Variants in SPAG16 observed in about 807,000 individuals in gnomAD.
SPAG16 encodes the protein sperm associated antigen 16.
In SPAG16, 86 loss-of-function variants were observed where a neutral mutation model predicts 80.4. The observed-to-expected ratio is 1.07, with a 90% CI of 0.90 to 1.28. The LOEUF is 1.28. SPAG16 is among the 50% of genes most tolerant of loss of function. The probability of loss-of-function intolerance (pLI) is 0.00; values close to 1 mark genes in which losing one functional copy is unlikely to be tolerated. For missense variants in SPAG16, 870 were observed against 765.3 expected (o/e 1.14, Z -1.61); for synonymous variants, 294 against 265.9 (o/e 1.11, Z -1.03).
intron 15 of SPAG16, among the ~76,000 whole-genome samples, chr2:214,296,683 A>G (rs780292267): frequency 6.6e-6 from 1 of 152,090 alleles, no homozygotes; most frequent in Admixed American, 6.5e-5. Flanking sequence ...CACTTGTATG[A>G]CTTCTTTTGA....
rs369352716 is a variant in SPAG16 at position 213,468,465 on chromosome 2, A to G, written c.943-21498A>G. On this transcript the variant is annotated intron_variant, in intron 9 of 15. Transcript: ENST00000331683. ...TTTATATATAGATATATATATCTCT[A>G]TGTATTTATATATAGATATATATAT... is the stretch of plus-strand genomic sequence containing the variant. Among the ~76,000 whole-genome samples, 59 of 121,616 alleles carry G rather than the reference A, an allele frequency of 4.9e-4. No homozygotes were observed. In the East Asian group the frequency reaches 0.011, roughly 23 times the overall value. 79.8% of individuals were successfully genotyped at this position (121,616 alleles called of 152,430 possible).
intron 14 of SPAG16, among the ~76,000 whole-genome samples, chr2:214,111,694 C>T (rs1386026661): frequency 6.6e-6 from 1 of 151,926 alleles, no homozygotes; most frequent in African/African-American, 2.4e-5. Flanking sequence ...ATGGGGACGG[C>T]ATTGAATCCA....
chr2:213,359,219 C>G (rs1012164245), intron 7 of SPAG16, among the ~76,000 whole-genome samples: 4 of 152,186 alleles, frequency 2.6e-5, no homozygotes, highest in African/African-American at 9.6e-5. Flanking sequence ...CCCAGTCAGG[C>G]TGCATGGGGA....
At chr2:213,899,698 T>C (rs558392474) in intron 11 of SPAG16, among the ~76,000 whole-genome samples, 14 of 152,202 alleles carry the variant, frequency 9.2e-5, no homozygotes, top group Admixed American at 2.0e-4. Flanking sequence ...TCCAGAACCA[T>C]AGAGCTATCC....
chr2:213,680,920 T>C (rs1001256386), intron 10 of SPAG16, among the ~76,000 whole-genome samples: 3 of 152,194 alleles, frequency 2.0e-5, no homozygotes, highest in African/African-American at 7.2e-5. Flanking sequence ...CATTTTCTGG[T>C]TTACAATTGG....
intron 15 of SPAG16, among the ~76,000 whole-genome samples, chr2:214,221,040 G>T (rs546398629): frequency 6.6e-6 from 1 of 152,052 alleles, no homozygotes; most frequent in East Asian, 1.9e-4. Flanking sequence ...TAATTCTAAC[G>T]GAGTGTCACA....
chr2:214,130,796 C>A (rs956686920), intron 14 of SPAG16, among the ~76,000 whole-genome samples: 2 of 152,158 alleles, frequency 1.3e-5, no homozygotes, highest in South Asian at 2.1e-4. Flanking sequence ...AGAGTCAGAA[C>A]ATTTTTTTAG....
chr2:214,362,865 C>T (rs1172585682), intron 15 of SPAG16, among the ~76,000 whole-genome samples: 1 of 151,736 alleles, frequency 6.6e-6, no homozygotes, highest in African/African-American at 2.4e-5. Flanking sequence ...TAAAAAAATG[C>T]CATAATAACA....
intron 15 of SPAG16, among the ~76,000 whole-genome samples, chr2:214,365,659 C>G (rs774196429): frequency 7.9e-5 from 12 of 152,090 alleles, no homozygotes; most frequent in Non-Finnish European, 1.3e-4. Flanking sequence ...ATAAAGGTGA[C>G]TGATGCTCAT....
At chr2:213,930,980 A>G (rs1407924261) in intron 12 of SPAG16, among the ~76,000 whole-genome samples, 2 of 152,150 alleles carry the variant, frequency 1.3e-5, no homozygotes, top group Non-Finnish European at 2.9e-5. Context: ...TTCCGTTTTG[A>G]AGGTCCTCCC....
In SPAG16 at chr2:213,897,591, G is replaced by A. The variant is rs1575489661; in HGVS notation, c.1215-32369G>A. 2.2e-5 allele frequency among the ~76,000 whole-genome samples: 3 copies of A among 135,060 alleles called. 1 individual carries two copies. The South Asian group carries it at 9.2e-4, about 42-fold the overall frequency. 88.6% of individuals were successfully genotyped at this position (135,060 alleles called of 152,430 possible). ...TCTTTAAGCTATCTTATTTTCTAGA[G>A]ATTGTACCCTCCTCATCTGCCTATA... On this transcript the variant is annotated intron_variant, in intron 11 of 15. Transcript: ENST00000331683.
chr2:214,088,784 G>A (rs952972015), intron 13 of SPAG16, among the ~76,000 whole-genome samples: 3 of 151,984 alleles, frequency 2.0e-5, no homozygotes, highest in African/African-American at 2.4e-5. Flanking sequence ...CCTCTCACCC[G>A]TTAAGTGACC....
chr2:213,506,116 G>A (rs1402459020), intron 10 of SPAG16, among the ~76,000 whole-genome samples: 4 of 151,854 alleles, frequency 2.6e-5, no homozygotes, highest in South Asian at 4.2e-4. Context: ...ATTAAACTAC[G>A]TCTATCTAAG....
intron 12 of SPAG16, among the ~76,000 whole-genome samples, chr2:213,983,147 C>T (rs572822206): frequency 3.3e-5 from 5 of 151,904 alleles, no homozygotes; most frequent in African/African-American, 1.2e-4. Context: ...AAGATTATAA[C>T]TTTTTGCTTA....
intron 15 of SPAG16, among the ~76,000 whole-genome samples, chr2:214,341,840 C>T (rs1213916123): frequency 6.6e-6 from 1 of 152,150 alleles, no homozygotes; most frequent in African/African-American, 2.4e-5. Context: ...ACAACTGACT[C>T]ATTCCAGGAT....
chr2:213,460,699 C>T (rs2072310315), intron 9 of SPAG16, among the ~76,000 whole-genome samples: 1 of 152,080 alleles, frequency 6.6e-6, no homozygotes, highest in Non-Finnish European at 1.5e-5. Flanking sequence ...AAATCAGACT[C>T]TTTGAAAGGT....
At chr2:213,288,335 C>T (rs1022873940) in intron 1 of SPAG16, among the ~76,000 whole-genome samples, 3 of 152,262 alleles carry the variant, frequency 2.0e-5, no homozygotes, top group East Asian at 1.9e-4. Flanking sequence ...GACGGAGTCT[C>T]GCTCTGTCTC....
intron 10 of SPAG16, among the ~76,000 whole-genome samples, chr2:213,588,845 A>AAAAAAAAAAAAAAAAC (rs1553576832): frequency 7.8e-6 from 1 of 128,450 alleles, no homozygotes; most frequent in Non-Finnish European, 1.6e-5. Context: ...AAAAAAAAAG[A>AAAAAAAAAAAAAAAAC]CTCCCTATCC....
In SPAG16 at chr2:213,693,439, A is replaced by G. The variant is rs1324615380; in HGVS notation, c.1071-169046A>G. ...AGTTTTACATGTTTGCTTCGTAGACAGAACTACTTCACATTTATTTACCTT... is the reference window on the plus strand; with the variant it reads ...AGTTTTACATGTTTGCTTCGTAGACGGAACTACTTCACATTTATTTACCTT... On this transcript the variant is annotated intron_variant, in intron 10 of 15. Coordinates refer to ENST00000331683, the MANE Select transcript of SPAG16 (RefSeq NM_024532.5). Among the ~76,000 whole-genome samples, 4 of 152,340 alleles carry G rather than the reference A, an allele frequency of 2.6e-5. No individual in the cohort carries two copies. The East Asian group carries it at 7.7e-4, about 29-fold the overall frequency.
Sources: allele counts gnomAD v4.1 joint callset (sites outside exome capture counted in the v4.1 genomes callset), GRCh38; gene constraint gnomAD v4.1.1; transcripts MANE v1.5; gene names NCBI Gene and HGNC (gene_info 2026-07-23, HGNC 2026-07-21).